RSU1: variants seen among roughly 807,000 people sequenced by gnomAD.
The protein encoded by RSU1 is rsu-1.
A neutral mutation model predicts 31.1 loss-of-function variants in RSU1; 26 were observed. The ratio of observed to expected loss-of-function variants is 0.84; its 90% confidence interval spans 0.61 to 1.16. The LOEUF (loss-of-function observed/expected upper bound fraction) is 1.16. RSU1 is among the 50% of genes most tolerant of loss of function. The pLI is 0.00. For synonymous variants in RSU1, 164 were observed against 136.3 expected, an observed-to-expected ratio of 1.20 and a Z score of -1.41; for missense variants, 320 against 339.1, an observed-to-expected ratio of 0.94 and a Z score of 0.44.
chr10:16,677,596 C>T (rs988656984), intron 8 of RSU1, among the ~76,000 whole-genome samples: 1 of 151,906 alleles, frequency 6.6e-6, no homozygotes, highest in African/African-American at 2.4e-5. Flanking sequence ...GCTGTTTCCC[C>T]ATTTGCAGTT....
chr10:16,735,289 A>G (rs889955364), intron 7 of RSU1, among the ~76,000 whole-genome samples: 1 of 152,242 alleles, frequency 6.6e-6, no homozygotes, highest in African/African-American at 2.4e-5. Context: ...TGTACATAAC[A>G]TGAAGTCTGA....
intron 8 of RSU1, among the ~76,000 whole-genome samples, chr10:16,692,888 G>A (rs1835590179): frequency 6.6e-6 from 1 of 151,988 alleles, no homozygotes; most frequent in African/African-American, 2.4e-5. Flanking sequence ...TCTAAACCAC[G>A]CTTTACATTG....
Position 16,628,116 on chromosome 10 carries a change from C to T in RSU1, c.732-34620G>A, listed in dbSNP as rs547783422. ...ACTTCATTAGCCTGTCTATTACAAACCACTTACGACACATATTTATTGACA... is the reference window on the plus strand; with the variant it reads ...ACTTCATTAGCCTGTCTATTACAAATCACTTACGACACATATTTATTGACA... On this transcript the variant is annotated intron_variant, in intron 8 of 8. Coordinates refer to ENST00000345264, the MANE Select transcript of RSU1 (RefSeq NM_012425.4). Among the ~76,000 whole-genome samples, 11 of 152,292 alleles carry T rather than the reference C, an allele frequency of 7.2e-5. 2 individuals are homozygous for T. The East Asian group carries it at 1.7e-3, about 24-fold the overall frequency.
chr10:16,620,093 T>C (rs959593677), intron 8 of RSU1, among the ~76,000 whole-genome samples: 1 of 152,198 alleles, frequency 6.6e-6, no homozygotes, highest in Non-Finnish European at 1.5e-5. Context: ...GGGAAACTGC[T>C]TCAAATATTC....
Position 16,799,566 on chromosome 10 carries a change from C to T in RSU1, c.109+17407G>A, listed in dbSNP as rs531738814. 7.9e-5 allele frequency among the ~76,000 whole-genome samples: 12 copies of T among 152,138 alleles called. No homozygotes were observed. The East Asian group carries it at 2.1e-3, about 27-fold the overall frequency. On this transcript the variant is annotated intron_variant, in intron 2 of 8. Coordinates refer to ENST00000345264, the MANE Select transcript of RSU1 (RefSeq NM_012425.4). ...TCCTGGGGGCCCGGTCTTAAGGGGT[C>T]TCCTGTACTTTGCTGAGTTTTACCT...
rs1554766307 is a variant in RSU1 at position 16,683,160 on chromosome 10, G to GTGTGTGTGTGTGTGTGTGTGT, written c.731+11862_731+11863insACACACACACACACACACACA. Among the ~76,000 whole-genome samples, 3 of 143,352 alleles carry GTGTGTGTGTGTGTGTGTGTGT rather than the reference G, an allele frequency of 2.1e-5. No individual in the cohort carries two copies. The East Asian group carries it at 6.2e-4, about 30-fold the overall frequency. The allele number at this position is 143,352 out of a possible 152,430, so 94.0% of individuals were successfully genotyped here. A position where few individuals can be genotyped will look rare whatever the true frequency, so the allele number is the denominator to read the frequency against. On this transcript the variant is annotated intron_variant, in intron 8 of 8. Coordinates refer to ENST00000345264, the MANE Select transcript of RSU1 (RefSeq NM_012425.4). ...AGCCTTAAGAGAGGAATGGGTGTGT[G>GTGTGTGTGTGTGTGTGTGTGT]GTGTGTGTGTGTGTGTGTGTGTGTT...
At position 16,654,594 on chromosome 10, in the gene RSU1, CG is replaced by C. The variant is rs558517963; in HGVS notation, c.731+40428del. Among the ~76,000 whole-genome samples, 293 of 150,632 alleles carry C rather than the reference CG, an allele frequency of 1.9e-3. 11 individuals carry two copies. In the South Asian group the frequency reaches 0.06, roughly 31 times the overall value. ...CTGAGGCACAAGAATCGCTTGAACC[CG>C]GGAGGTGGAGGTTGCAGTGAGGCAG... On this transcript the variant is annotated intron_variant, in intron 8 of 8. Coordinates refer to ENST00000345264, the MANE Select transcript of RSU1 (RefSeq NM_012425.4).
At chr10:16,743,236 T>C (rs1836785966) in intron 7 of RSU1, among the ~76,000 whole-genome samples, 1 of 152,232 alleles carries the variant, frequency 6.6e-6, no homozygotes, top group Non-Finnish European at 1.5e-5. Context: ...TAGGCCTTTT[T>C]ATTGGCTCAG....
intron 8 of RSU1, among the ~76,000 whole-genome samples, chr10:16,669,427 T>C (rs559057887): frequency 7.9e-5 from 12 of 152,150 alleles, no homozygotes; most frequent in Non-Finnish European, 1.5e-4. Flanking sequence ...ATTCCCCTTT[T>C]GGAATTTCTA....
chr10:16,801,707 A>T (rs1372288501), intron 2 of RSU1, among the ~76,000 whole-genome samples: 2 of 137,808 alleles, frequency 1.5e-5, no homozygotes, highest in African/African-American at 6.4e-5. Flanking sequence ...TCCACATTGG[A>T]ATTAAACTAG....
intron 8 of RSU1, among the ~76,000 whole-genome samples, chr10:16,636,858 C>A (rs1352908976): frequency 6.6e-6 from 1 of 152,142 alleles, no homozygotes; most frequent in Admixed American, 6.5e-5. Flanking sequence ...CTCACATCCC[C>A]TACCCCTCAC....
At chr10:16,669,365 GTTT>G (rs1554765235) in intron 8 of RSU1, among the ~76,000 whole-genome samples, 22 of 150,120 alleles carry the variant, frequency 1.5e-4, no homozygotes, top group African/African-American at 4.4e-4. Context: ...AACATTTTCT[GTTT>G]TTTTTCCCCC....
intron 7 of RSU1, among the ~76,000 whole-genome samples, chr10:16,752,065 C>G (rs1407113227): frequency 6.6e-6 from 1 of 152,106 alleles, no homozygotes; most frequent in Non-Finnish European, 1.5e-5. Context: ...TCACGACCCG[C>G]AGAGGTATCA....
At chr10:16,692,033 T>C (rs7904523) in intron 8 of RSU1, among the ~76,000 whole-genome samples, 45,814 of 152,012 alleles carry the variant, frequency 0.3, 7,147 homozygotes, top group East Asian at 0.45. Flanking sequence ...GCTGGGATCA[T>C]AGGCGTGAGC....
intron 3 of RSU1, among the ~76,000 whole-genome samples, chr10:16,780,770 C>T (rs1268571192): frequency 6.6e-6 from 1 of 152,140 alleles, no homozygotes; most frequent in African/African-American, 2.4e-5. Flanking sequence ...CTGTGGACCA[C>T]GGGACCATTT....
intron 7 of RSU1, among the ~76,000 whole-genome samples, chr10:16,708,042 T>C (rs976763071): frequency 6.6e-5 from 10 of 152,170 alleles, no homozygotes; most frequent in African/African-American, 2.4e-4. Flanking sequence ...GTAAATTTAT[T>C]TGTCGGCTCT....
chr10:16,747,206 T>C (rs1236364373), intron 7 of RSU1, among the ~76,000 whole-genome samples: 1 of 152,218 alleles, frequency 6.6e-6, no homozygotes, highest in African/African-American at 2.4e-5. Context: ...GGAACCATAG[T>C]GCTTCAGGCT....
At chr10:16,613,280 A>G (rs1452965468) in intron 8 of RSU1, among the ~76,000 whole-genome samples, 4 of 152,200 alleles carry the variant, frequency 2.6e-5, no homozygotes, top group African/African-American at 9.7e-5. Flanking sequence ...TGGAATTTCC[A>G]TATGTCTCTG....
intron 7 of RSU1, among the ~76,000 whole-genome samples, chr10:16,733,280 C>G (rs909376293): frequency 6.9e-6 from 1 of 144,948 alleles, no homozygotes; most frequent in African/African-American, 2.6e-5. Flanking sequence ...CACCTGAGGT[C>G]AGGAGTTCAA....
Sources: gnomAD v4.1 joint callset for allele counts (sites outside exome capture counted in the v4.1 genomes callset) on GRCh38, gnomAD v4.1.1 for gene constraint, MANE v1.5 for transcripts, NCBI Gene and HGNC (gene_info 2026-07-23, HGNC 2026-07-21) for gene names.